The following EVC variants were observed in gnomAD, a reference collection of about 807,000 sequenced individuals.
EVC encodes the protein evC complex member EVC.
EVC carries 116 observed loss-of-function variants against 118.9 expected under a neutral mutation model. The observed-to-expected ratio is 0.98, with a 90% CI of 0.84 to 1.14. The LOEUF is 1.14. Ranked by LOEUF, EVC falls within the 50% of genes most tolerant of loss-of-function variation. The pLI, the probability that EVC is intolerant of heterozygous loss-of-function variation, is 0.00. For synonymous variants in EVC, 619 were observed against 534.7 expected, an observed-to-expected ratio of 1.16 and a Z score of -2.18; for missense variants, 1,401 against 1,246.4, an observed-to-expected ratio of 1.12 and a Z score of -1.87.
chr4:5,727,728 C>T (rs1285371580), intron 2 of EVC, among the ~76,000 whole-genome samples: 2 of 151,850 alleles, frequency 1.3e-5, no homozygotes, highest in East Asian at 3.9e-4. Flanking sequence ...AGTCTTTAAT[C>T]CTTTTTGAAT....
chr4:5,821,880 T>G, the EVC span: 2 of 1,527,820 alleles, frequency 1.3e-6, no homozygotes, highest in Non-Finnish European at 1.8e-6. The surrounding 1 kb of genome is among the most constrained non-coding windows in gnomAD (Gnocchi z 4.4). Context: ...CGCTGCTGGA[T>G]GGGATCTGTT....
At chr4:5,763,575 A>C (rs1265166047) in intron 11 of EVC, among the ~76,000 whole-genome samples, 22 of 131,030 alleles carry the variant, frequency 1.7e-4, no homozygotes, top group Non-Finnish European at 2.9e-4. Flanking sequence ...CTTTTATTTC[A>C]TTGAGCAGTG....
At chr4:5,767,605 A>C (rs139932846) in intron 11 of EVC, among the ~76,000 whole-genome samples, 24,755 of 148,604 alleles carry the variant, frequency 0.17, 2,231 homozygotes, top group East Asian at 0.3. Context: ...TCTCCTGGTG[A>C]GCCGTTTTTT....
chr4:5,712,221 G>A (rs1156972358), intron 1 of EVC, among the ~76,000 whole-genome samples: 1 of 152,210 alleles, frequency 6.6e-6, no homozygotes, highest in East Asian at 1.9e-4. Context: ...TGTGTACCAG[G>A]CACTGAACTA....
chr4:5,789,491 G>A lies in EVC; in HGVS notation c.1777-4117G>A, dbSNP rs867002706. 1.3e-5 allele frequency among the ~76,000 whole-genome samples: 2 copies of A among 152,154 alleles called. No individual in the cohort carries two copies. The highest frequency in any genetic ancestry group is 4.8e-5 in the African/African-American group (2 of 41,430). On this transcript the variant is annotated intron_variant, in intron 12 of 20. Transcript: ENST00000264956. The surrounding 1 kb of genome is among the most constrained non-coding windows in gnomAD (Gnocchi z 4.3). Reference sequence around the variant, plus strand: ...CCAGTGTTTGCCTCGGGAGTTGATTGTAGAGTCCACCCCACCTAAAAACCC... The same window carrying A: ...CCAGTGTTTGCCTCGGGAGTTGATTATAGAGTCCACCCCACCTAAAAACCC...
Position 5,801,960 on chromosome 4 carries a change from T to TG in EVC, c.2317dup (p.Glu773GlyfsTer46), listed in dbSNP as rs1376671694. On this transcript the variant is annotated frameshift_variant, in exon 16 of 21. Transcript: ENST00000264956. LOFTEE classifies it high-confidence loss of function. ...CCTTTCTTCCCTCAGAGGACACTGA[T>TG]GGAGGCGGCAGTGGAGAGCGTCTAC... 1 of 1,613,566 alleles carries TG rather than the reference T, an allele frequency of 6.2e-7. No individual in the cohort carries two copies. The highest frequency in any genetic ancestry group is 1.3e-5 in the African/African-American group (1 of 75,040).
the EVC span, chr4:5,828,257 A>G: frequency 1.0e-6 from 1 of 985,222 alleles, no homozygotes; most frequent in South Asian, 4.7e-5. Context: ...TCACGGGTGC[A>G]CACCCCTCTA....
At chr4:5,777,131 A>C (rs114931322) in intron 11 of EVC, among the ~76,000 whole-genome samples, 142 of 152,254 alleles carry the variant, frequency 9.3e-4, no homozygotes, top group African/African-American at 3.4e-3. Context: ...ATTTGTAGAA[A>C]TATTTTCAGG....
At chr4:5,753,116 A>G in intron 9 of EVC, 64 bp downstream of exon 9, 1 of 1,448,724 alleles carries the variant, frequency 6.9e-7, no homozygotes, top group Non-Finnish European at 9.4e-7. Context: ...GGGGCTGTGC[A>G]GTGAGAGGGC....
chr4:5,824,995 T>C, the EVC span: 1 of 985,444 alleles, frequency 1.0e-6, no homozygotes, highest in Non-Finnish European at 1.2e-6. Context: ...GGGGCTTCCG[T>C]TTCCTCTTTA....
chr4:5,717,197 T>G (rs1202713271), intron 1 of EVC, among the ~76,000 whole-genome samples: 2 of 152,204 alleles, frequency 1.3e-5, no homozygotes, highest in African/African-American at 4.8e-5. Flanking sequence ...GTTTCTCAAC[T>G]TTATACTTGT....
chr4:5,751,601 G>A (rs971469754), intron 8 of EVC, among the ~76,000 whole-genome samples: 9 of 152,252 alleles, frequency 5.9e-5, no homozygotes, highest in Non-Finnish European at 1.2e-4. Context: ...TCAGCGCACA[G>A]TGTGGCCATG....
At chr4:5,783,815 C>A in intron 12 of EVC, 51 bp downstream of exon 12, 2 of 1,510,852 alleles carry the variant, frequency 1.3e-6, no homozygotes, top group Non-Finnish European at 1.8e-6. Flanking sequence ...TAGAAACACA[C>A]GAAGAAGCGT....
intron 8 of EVC, among the ~76,000 whole-genome samples, chr4:5,750,345 A>C (rs1023037083): frequency 2.6e-5 from 4 of 152,234 alleles, no homozygotes; most frequent in Non-Finnish European, 5.9e-5. Flanking sequence ...ATACATCCTT[A>C]GCTGACTCTG....
chr4:5,783,657 T>C lies in EVC; in HGVS notation c.1669T>C (p.Leu557=). Residue 557 remains leucine (L), a synonymous_variant, in exon 12 of 21, where the codon TTG becomes CTG. Transcript: ENST00000264956. ...TGLPPEECDY[L]RQEVQENAAW... ...CCTCCCCCCGGAAGAGTGTGACTAC[T>C]TGAGGCAGGAAGTCCAGGAGAACGC... 2 of 1,614,128 alleles carry C rather than the reference T, an allele frequency of 1.2e-6. No individual in the cohort carries two copies. The highest frequency in any genetic ancestry group is 1.7e-6 in the Non-Finnish European group (2 of 1,180,020).
the EVC span, chr4:5,824,923 C>T: frequency 1.0e-6 from 1 of 985,436 alleles, no homozygotes. Context: ...AGGTCAACAT[C>T]TAATTTTGTT....
At position 5,783,744 on chromosome 4, in the gene EVC, C is replaced by A. The variant is rs1301130028; in HGVS notation, c.1756C>A (p.Leu586Ile). The A allele has an allele frequency of 6.2e-7, 1 of 1,612,862 alleles. No homozygotes were observed. The highest frequency in any genetic ancestry group is 2.2e-5 in the East Asian group (1 of 44,836). The change falls in exon 12 of 21, where the codon CTC (leucine) becomes ATC (isoleucine). Residue 586 changes from leucine (L) to isoleucine (I), a missense_variant. Leu to Ile is a conservative substitution (Grantham distance 5). Transcript: ENST00000264956. ...GCAGCAGTGGAAACTCTTCCAGGAG[C>A]TCCTAGAGCAAGACCAGCAGGTGCG... ...RRQQWKLFQE[L>I]LEQDQQVWME...
intron 15 of EVC, chr4:5,801,707 C>T (rs1397595330): frequency 2.5e-5 from 12 of 489,622 alleles, no homozygotes; most frequent in Non-Finnish European, 3.7e-5. Flanking sequence ...CGGGGAAGGC[C>T]TCTTAGCCGA....
At chr4:5,821,900 T>G in the EVC span, 2 of 1,507,438 alleles carry the variant, frequency 1.3e-6, no homozygotes, top group Non-Finnish European at 1.8e-6. The surrounding 1 kb of genome is among the most constrained non-coding windows in gnomAD (Gnocchi z 4.4). Flanking sequence ...TAGCATCAGT[T>G]CCACGCTGCT....
Sources: gnomAD v4.1 joint callset for allele counts (sites outside exome capture counted in the v4.1 genomes callset) on GRCh38, gnomAD v4.1.1 for gene constraint, Gnocchi (gnomAD v3.1) non-coding constraint, MANE v1.5 for transcripts, NCBI Gene and HGNC (gene_info 2026-07-23, HGNC 2026-07-21) for gene names.